Variants in ADAMTS17 observed in about 807,000 individuals in gnomAD.
ADAMTS17 encodes the protein A disintegrin and metalloproteinase with thrombospondin motifs 17.
A neutral mutation model predicts 141.5 loss-of-function variants in ADAMTS17; 113 were observed. That is an observed-to-expected ratio of 0.80 (90% CI 0.69 to 0.93). The LOEUF (loss-of-function observed/expected upper bound fraction) is 0.93. ADAMTS17 is among the 40% of genes least tolerant of loss of function. The pLI is 0.00. For synonymous variants in ADAMTS17, 768 were observed against 630.6 expected (o/e 1.22, Z -3.27); for missense variants, 1,659 against 1,517.9 (o/e 1.09, Z -1.54).
intron 8 of ADAMTS17, among the ~76,000 whole-genome samples, chr15:100,192,849 A>G (rs2040969124): frequency 6.6e-6 from 1 of 151,048 alleles, no homozygotes; most frequent in Non-Finnish European, 1.5e-5. Context: ...TTTCCCCCAC[A>G]TGGCTCTCCC....
At chr15:100,330,775 G>T in intron 3 of ADAMTS17, 114 bp downstream of exon 3, 1 of 1,377,094 alleles carries the variant, frequency 7.3e-7, no homozygotes, top group South Asian at 1.3e-5. Context: ...AACAGCTTTT[G>T]AAATATAGGG....
intron 18 of ADAMTS17, 137 bp downstream of exon 18, chr15:100,048,720 G>A: frequency 7.4e-7 from 1 of 1,354,288 alleles, no homozygotes; most frequent in East Asian, 2.5e-5. Flanking sequence ...ATTTGAGCAA[G>A]CGGAAATCTC....
At chr15:100,047,146 C>T (rs530376400) in intron 18 of ADAMTS17, among the ~76,000 whole-genome samples, 112 of 151,804 alleles carry the variant, frequency 7.4e-4, no homozygotes, top group South Asian at 2.9e-3. Flanking sequence ...TCTCCCATAG[C>T]GCTCCCAGGC....
At chr15:100,148,006 T>A (rs1461903477) in intron 10 of ADAMTS17, among the ~76,000 whole-genome samples, 1 of 152,242 alleles carries the variant, frequency 6.6e-6, no homozygotes, top group Non-Finnish European at 1.5e-5. Flanking sequence ...CTTCCTTGCA[T>A]CACTCCGACT....
intron 6 of ADAMTS17, among the ~76,000 whole-genome samples, chr15:100,254,881 G>C (rs1223221254): frequency 6.6e-6 from 1 of 152,190 alleles, no homozygotes; most frequent in Non-Finnish European, 1.5e-5. Context: ...GCATGAGGAA[G>C]AATAGCTAAC....
chr15:100,044,182 C>A (rs1312789812), intron 18 of ADAMTS17, among the ~76,000 whole-genome samples: 1 of 152,140 alleles, frequency 6.6e-6, no homozygotes, highest in Non-Finnish European at 1.5e-5. Context: ...AAGATGTGAT[C>A]TGATTACCTC....
At chr15:100,057,905 T>C (rs1485888233) in intron 15 of ADAMTS17, among the ~76,000 whole-genome samples, 2 of 152,066 alleles carry the variant, frequency 1.3e-5, no homozygotes, top group Non-Finnish European at 2.9e-5. Flanking sequence ...CTGAAGCTGG[T>C]GCTCAGCAAC....
At chr15:100,235,291 C>A (rs892350309) in intron 7 of ADAMTS17, among the ~76,000 whole-genome samples, 2 of 152,136 alleles carry the variant, frequency 1.3e-5, no homozygotes, top group Non-Finnish European at 2.9e-5. Flanking sequence ...CAGGCAAGGG[C>A]CTGTGCAGTG....
In ADAMTS17 at chr15:100,341,824, T is replaced by G; in HGVS notation, c.76A>C (p.Thr26Pro). Reference protein sequence around the residue: ...LLLVWGLDPGTAVGDAAADVE... With the variant: ...LLLVWGLDPGPAVGDAAADVE... ...GGGCTGTGGGAGGGGGCGCTACCTG[T>G]GCCCGGGTCCAGTCCCCAAACCAGC... Residue 26 changes from threonine (T) to proline (P), a missense_variant, in exon 1 of 22, where the codon ACA (threonine) becomes CCA (proline). By Grantham distance (38) the Thr-to-Pro change is conservative. Transcript: ENST00000268070. The G allele has an allele frequency of 1.3e-6, 2 of 1,551,160 alleles. No homozygotes were observed. The highest frequency in any genetic ancestry group is 1.2e-5 in the South Asian group (1 of 84,106).
chr15:100,169,235 C>T (rs1015160910), intron 8 of ADAMTS17, among the ~76,000 whole-genome samples: 3 of 152,178 alleles, frequency 2.0e-5, no homozygotes, highest in Non-Finnish European at 2.9e-5. Context: ...CACTGCCCAA[C>T]ACATGCCAGG....
intron 3 of ADAMTS17, among the ~76,000 whole-genome samples, chr15:100,289,521 G>GACACACAC (rs1307703150): frequency 6.8e-6 from 1 of 146,446 alleles, no homozygotes; most frequent in East Asian, 2.0e-4. Context: ...AAACCTTGCA[G>GACACACAC]ACACACACAT....
At chr15:100,125,773 G>T (rs113632069) in intron 12 of ADAMTS17, among the ~76,000 whole-genome samples, 2 of 152,124 alleles carry the variant, frequency 1.3e-5, no homozygotes, top group African/African-American at 4.8e-5. Context: ...GGTCCCTAAG[G>T]CCTCCACGTC....
intron 4 of ADAMTS17, among the ~76,000 whole-genome samples, chr15:100,273,270 A>T (rs1274632009): frequency 6.6e-6 from 1 of 152,142 alleles, no homozygotes; most frequent in Non-Finnish European, 1.5e-5. Context: ...TTTGAGGAGG[A>T]CTAGTGTTAG....
intron 7 of ADAMTS17, among the ~76,000 whole-genome samples, chr15:100,250,261 C>T (rs1172682732): frequency 6.6e-6 from 1 of 152,126 alleles, no homozygotes; most frequent in East Asian, 1.9e-4. Flanking sequence ...CTGTTATATA[C>T]CAAATTACAC....
intron 4 of ADAMTS17, among the ~76,000 whole-genome samples, chr15:100,263,028 T>G (rs758989326): frequency 6.6e-6 from 1 of 152,118 alleles, no homozygotes; most frequent in African/African-American, 2.4e-5. Context: ...AGTATGCTTA[T>G]GTATATAGAT....
intron 15 of ADAMTS17, among the ~76,000 whole-genome samples, chr15:100,086,226 A>C (rs1390705400): frequency 6.6e-6 from 1 of 152,162 alleles, no homozygotes; most frequent in East Asian, 1.9e-4. Context: ...ACTTTAAACC[A>C]ACAAAGATTA....
intron 7 of ADAMTS17, among the ~76,000 whole-genome samples, chr15:100,222,501 C>A (rs2042166165): frequency 6.6e-6 from 1 of 152,346 alleles, no homozygotes; most frequent in East Asian, 1.9e-4. Flanking sequence ...TGGGAGAACA[C>A]AGAACCTGGG....
chr15:100,051,716 C>CAGGT lies in ADAMTS17; in HGVS notation c.2310_2311insACCT (p.Asp771ThrfsTer2). 1 of 1,614,062 alleles carries CAGGT rather than the reference C, an allele frequency of 6.2e-7. No individual in the cohort carries two copies. Among genetic ancestry groups the CAGGT allele is most frequent in the Non-Finnish European group, 8.5e-7 (1 of 1,180,024 alleles). ...TCATAATGAATTCCATAATCTTGGT[C>CAGGT]GTGAAATAACAACACCTGGATCAGC... On this transcript the variant is annotated frameshift_variant, in exon 17 of 22. Coordinates refer to ENST00000268070, the MANE Select transcript of ADAMTS17 (RefSeq NM_139057.4). LOFTEE classifies it high-confidence loss of function.
chr15:100,086,196 C>T (rs1200082153), intron 15 of ADAMTS17, among the ~76,000 whole-genome samples: 2 of 152,066 alleles, frequency 1.3e-5, no homozygotes, highest in Non-Finnish European at 2.9e-5. Flanking sequence ...AGGTTGCAAT[C>T]CTAGTCTCTG....
Sources: gnomAD v4.1 joint callset for allele counts (sites outside exome capture counted in the v4.1 genomes callset) on GRCh38, gnomAD v4.1.1 for gene constraint, MANE v1.5 for transcripts, NCBI Gene and HGNC (gene_info 2026-07-23, HGNC 2026-07-21) for gene names.